NUP160: variants seen among roughly 807,000 people sequenced by gnomAD.
The protein encoded by NUP160 is nucleoporin 160, also known as nuclear pore complex protein Nup160.
NUP160 carries 94 observed loss-of-function variants against 196.9 expected under a neutral mutation model. That is an observed-to-expected ratio of 0.48 (90% CI 0.40 to 0.57). The LOEUF is 0.57. NUP160 is among the 20% of genes least tolerant of loss of function. The probability of loss-of-function intolerance (pLI) is 0.00; values close to 1 mark genes in which losing one functional copy is unlikely to be tolerated. For missense variants in NUP160, 1,638 were observed against 1,748.3 expected, an observed-to-expected ratio of 0.94 and a Z score of 1.13; for synonymous variants, 605 against 619.7, an observed-to-expected ratio of 0.98 and a Z score of 0.35.
In NUP160 at chr11:47,798,164, T is replaced by C; in HGVS notation, c.3086+4A>G. The C allele has an allele frequency of 1.3e-6, 2 of 1,591,066 alleles. No individual in the cohort carries two copies. The highest frequency in any genetic ancestry group is 1.1e-5 in the South Asian group (1 of 90,510). On this transcript the variant is annotated splice_donor_region_variant and intron_variant, in intron 25 of 35. Coordinates refer to ENST00000378460, the Ensembl canonical transcript of NUP160. ...GTCTTCTCTAAAAAAGGCCATGAAA[T>C]TACCTGCTGGAATCAGGAATTTGGG...
rs548456574 is a variant in NUP160 at position 47,844,220 on chromosome 11, G to C, written c.314+3628C>G. ...CCATCATGTGTGAATTGTGGCACCA[G>C]CCTCCTAACTGGTCTCCCTGCACCT... On this transcript the variant is annotated intron_variant, in intron 2 of 35. Transcript: ENST00000378460. 5.3e-5 allele frequency among the ~76,000 whole-genome samples: 8 copies of C among 152,160 alleles called. No homozygotes were observed. In the South Asian group the frequency reaches 1.5e-3, roughly 28 times the overall value.
intron 29 of NUP160, among the ~76,000 whole-genome samples, chr11:47,789,722 A>G (rs1051036473): frequency 5.9e-5 from 9 of 151,856 alleles, no homozygotes; most frequent in African/African-American, 2.2e-4. Flanking sequence ...GTATATAACA[A>G]TGTAACTGTA....
chr11:47,801,846 TCTC>T (rs771685277), exon 23 of NUP160: 3 of 1,613,804 alleles, frequency 1.9e-6, no homozygotes, highest in South Asian at 2.2e-5. Context: ...GTAGACACGA[TCTC>T]CCCATCCTCT....
intron 35 of NUP160, among the ~76,000 whole-genome samples, chr11:47,779,830 C>A (rs377059528): frequency 2.0e-5 from 3 of 152,060 alleles, no homozygotes; most frequent in Non-Finnish European, 4.4e-5. Context: ...TGGGTTCAAG[C>A]GATTCTCCTG....
At chr11:47,781,832 T>C (rs543495079) in intron 34 of NUP160, among the ~76,000 whole-genome samples, 17 of 152,280 alleles carry the variant, frequency 1.1e-4, no homozygotes, top group African/African-American at 3.9e-4. Context: ...ATTATTTTGA[T>C]AGAGAAAGAT....
At chr11:47,825,485 C>T (rs1219623793) in intron 7 of NUP160, among the ~76,000 whole-genome samples, 1 of 148,488 alleles carries the variant, frequency 6.7e-6, no homozygotes, top group Admixed American at 6.8e-5. Context: ...CGGAGTATCG[C>T]TCTGTCACCC....
At chr11:47,826,632 C>T (rs781716572) in intron 7 of NUP160, among the ~76,000 whole-genome samples, 14 of 151,168 alleles carry the variant, frequency 9.3e-5, no homozygotes, top group Admixed American at 4.0e-4. Flanking sequence ...GCACAATCTC[C>T]GCTCACTGCA....
chr11:47,793,681 T>C (rs922538773), intron 27 of NUP160, among the ~76,000 whole-genome samples: 5 of 147,530 alleles, frequency 3.4e-5, no homozygotes, highest in Non-Finnish European at 7.5e-5. Context: ...ATTTGACATA[T>C]AAATACAACA....
exon 7 of NUP160, chr11:47,835,673 A>G: frequency 6.3e-7 from 1 of 1,594,304 alleles, no homozygotes; most frequent in African/African-American, 1.3e-5. Flanking sequence ...TGGTGCATGC[A>G]TGTATATCCC....
chr11:47,814,017 G>C (rs1194498604), intron 13 of NUP160, among the ~76,000 whole-genome samples: 5 of 124,854 alleles, frequency 4.0e-5, no homozygotes, highest in Non-Finnish European at 7.9e-5. Context: ...GTTGCAGTGT[G>C]TTGAGATCGT....
intron 7 of NUP160, among the ~76,000 whole-genome samples, chr11:47,831,708 T>C (rs1419780437): frequency 1.3e-5 from 2 of 151,620 alleles, no homozygotes; most frequent in Admixed American, 1.3e-4. Context: ...CCAGGCATGG[T>C]GGCATGCGCC....
In NUP160 at chr11:47,806,321, GA is replaced by G; in HGVS notation, c.2447-10del. The G allele has an allele frequency of 6.2e-7, 1 of 1,601,430 alleles. No homozygotes were observed. The stretch of plus-strand genomic sequence containing the variant: ...AGTCTGAGGACTAGATACTTAAAAA[GA>G]AAAAGTTATGACAGTTTTGTGTAGT... On this transcript the variant is annotated splice_polypyrimidine_tract_variant and intron_variant, in intron 19 of 35. Coordinates refer to ENST00000378460, the Ensembl canonical transcript of NUP160.
At chr11:47,829,399 G>C (rs769365796) in intron 7 of NUP160, among the ~76,000 whole-genome samples, 3 of 152,158 alleles carry the variant, frequency 2.0e-5, no homozygotes, top group Non-Finnish European at 4.4e-5. Flanking sequence ...TCCACCACCA[G>C]GTTTCAAGCA....
At chr11:47,782,304 ATATATATATATATATATATATATAT>A (rs1355910636) in intron 34 of NUP160, among the ~76,000 whole-genome samples, 1,340 of 52,156 alleles carry the variant, frequency 0.026, 190 homozygotes, top group Non-Finnish European at 0.032. Flanking sequence ...AAAAAAAAAA[ATATATATATATATATATATATATAT>A]ATATATATAT....
rs553174682 is a variant in NUP160, at chr11:47,804,533, G to A, written c.2676+16C>T. ...TTACAAGAATGTGTAGACATGAAATGTTCAAAGGAACTCACCTGCAATTGT... is the reference window on the plus strand; with the variant it reads ...TTACAAGAATGTGTAGACATGAAATATTCAAAGGAACTCACCTGCAATTGT... On this transcript the variant is annotated intron_variant, in intron 21 of 35. Transcript: ENST00000378460. 8.4e-5 allele frequency: 126 copies of A among 1,503,698 alleles called. 1 individual carries two copies. In the South Asian group the frequency reaches 1.6e-3, roughly 19 times the overall value. 93.1% of individuals were successfully genotyped at this position (1,503,698 alleles called of 1,614,324 possible).
chr11:47,813,453 A>G (rs1202419508), intron 13 of NUP160, 38 bp from the exon 14 acceptor site: 1 of 1,368,770 alleles, frequency 7.3e-7, no homozygotes, highest in Non-Finnish European at 1.0e-6. Context: ...TTTTGTCAGT[A>G]AAATTTTAAA....
intron 31 of NUP160, 56 bp from the exon 32 acceptor site, chr11:47,786,610 A>G (rs2097664686): frequency 9.6e-7 from 1 of 1,042,424 alleles, no homozygotes; most frequent in South Asian, 1.3e-5. Context: ...TACCACTTTA[A>G]TTTGATACTA....
chr11:47,787,428 CTTTTTTTTTT>C (rs145162308), intron 31 of NUP160, among the ~76,000 whole-genome samples: 1 of 130,060 alleles, frequency 7.7e-6, no homozygotes. Flanking sequence ...AATTCACAAA[CTTTTTTTTTT>C]TTTTTTTTTG....
chr11:47,808,660 A>T, intron 17 of NUP160, 131 bp from the exon 18 acceptor site: 1 of 618,870 alleles, frequency 1.6e-6, no homozygotes. Flanking sequence ...AACACGTTTT[A>T]CATTTTACGG....
Sources: gnomAD v4.1 joint callset for allele counts (sites outside exome capture counted in the v4.1 genomes callset) on GRCh38, gnomAD v4.1.1 for gene constraint, MANE v1.5 for transcripts, NCBI Gene and HGNC (gene_info 2026-07-23, HGNC 2026-07-21) for gene names.